ROBO1: variants seen among roughly 807,000 people sequenced by gnomAD.
ROBO1 encodes the protein roundabout guidance receptor 1.
In ROBO1, 149 loss-of-function variants were observed where a neutral mutation model predicts 195.9. The observed-to-expected ratio is 0.76, with a 90% CI of 0.67 to 0.87. ROBO1 has a LOEUF of 0.87. Among genes scored for constraint, ROBO1 ranks in the 40% least tolerant of loss-of-function variants. The pLI, the probability that ROBO1 is intolerant of heterozygous loss-of-function variation, is 0.00. For synonymous variants in ROBO1, 816 were observed against 733.2 expected (o/e 1.11, Z -1.82); for missense variants, 1,933 against 2,068.3 (o/e 0.93, Z 1.27).
chr3:78,871,272 C>T (rs2035527126), intron 4 of ROBO1, among the ~76,000 whole-genome samples: 1 of 152,180 alleles, frequency 6.6e-6, no homozygotes, highest in Non-Finnish European at 1.5e-5. Flanking sequence ...TATGAGCCCA[C>T]ATTTCTCAGA....
chr3:78,788,407 C>T (rs1449948586), intron 4 of ROBO1, among the ~76,000 whole-genome samples: 2 of 141,214 alleles, frequency 1.4e-5, no homozygotes, highest in African/African-American at 2.6e-5. Flanking sequence ...TATGAGCCAC[C>T]GCTCCCAGCC....
At chr3:78,623,919 T>A (rs1341741328) in intron 26 of ROBO1, among the ~76,000 whole-genome samples, 2 of 152,150 alleles carry the variant, frequency 1.3e-5, no homozygotes, top group Non-Finnish European at 2.9e-5. Context: ...TCAGAAGTCA[T>A]CTACTGATGG....
At chr3:79,245,149 T>C (rs2082600747) in intron 2 of ROBO1, among the ~76,000 whole-genome samples, 1 of 152,144 alleles carries the variant, frequency 6.6e-6, no homozygotes, top group Non-Finnish European at 1.5e-5. Context: ...ACATTGCTTC[T>C]AAAAGATCAC....
At chr3:78,979,083 T>C (rs1356736132) in intron 3 of ROBO1, among the ~76,000 whole-genome samples, 1 of 152,178 alleles carries the variant, frequency 6.6e-6, no homozygotes, top group Non-Finnish European at 1.5e-5. Context: ...TTGGTGAATG[T>C]TTCCCCAGAC....
intron 18 of ROBO1, among the ~76,000 whole-genome samples, chr3:78,656,121 G>GC (rs1553693449): frequency 6.8e-6 from 1 of 147,784 alleles, no homozygotes; most frequent in African/African-American, 2.5e-5. Flanking sequence ...TTTGATGTTA[G>GC]TTTTTTTTTT....
intron 1 of ROBO1, among the ~76,000 whole-genome samples, chr3:79,753,241 C>G (rs138897061): frequency 1.3e-5 from 2 of 151,900 alleles, no homozygotes; most frequent in African/African-American, 4.8e-5. Context: ...GTTCACATTC[C>G]CAGCAATTCT....
At chr3:79,109,966 T>C (rs1027919725) in intron 3 of ROBO1, among the ~76,000 whole-genome samples, 1 of 152,152 alleles carries the variant, frequency 6.6e-6, no homozygotes, top group Non-Finnish European at 1.5e-5. Context: ...TTGGCAATTA[T>C]TAATAATACA....
intron 3 of ROBO1, among the ~76,000 whole-genome samples, chr3:79,046,126 A>G (rs1175204848): frequency 6.6e-6 from 1 of 152,130 alleles, no homozygotes; most frequent in Admixed American, 6.6e-5. Context: ...TAGGTTTCAA[A>G]AAGATTGTGG....
chr3:79,171,071 C>G (rs983927454), intron 2 of ROBO1, among the ~76,000 whole-genome samples: 18 of 150,606 alleles, frequency 1.2e-4, no homozygotes, highest in African/African-American at 3.2e-4. Flanking sequence ...TAATGACTTT[C>G]TATAAAATTA....
Position 79,087,975 on chromosome 3 carries a change from C to A in ROBO1, c.172+37481G>T, listed in dbSNP as rs574975622. 2.0e-5 allele frequency among the ~76,000 whole-genome samples: 3 copies of A among 152,072 alleles called. No homozygotes were observed. In the South Asian group the frequency reaches 6.2e-4, roughly 32 times the overall value. On this transcript the variant is annotated intron_variant, in intron 3 of 30. Transcript: ENST00000464233. ...ACATATGATTAAAACTTATTTACTT[C>A]GATTGTTGGTGGGAGTTCAACAATT... is the stretch of plus-strand genomic sequence containing the variant.
chr3:79,242,989 C>T (rs2082549699), intron 2 of ROBO1, among the ~76,000 whole-genome samples: 1 of 134,066 alleles, frequency 7.5e-6, no homozygotes, highest in East Asian at 2.6e-4. Context: ...CCCCTCCCCC[C>T]CACCCCACAA....
intron 4 of ROBO1, among the ~76,000 whole-genome samples, chr3:78,868,328 T>C (rs1411107760): frequency 6.6e-6 from 1 of 151,936 alleles, no homozygotes; most frequent in Non-Finnish European, 1.5e-5. Flanking sequence ...AGTGCAAACC[T>C]TGGAGGTCTT....
At chr3:79,082,393 T>C (rs946020470) in intron 3 of ROBO1, among the ~76,000 whole-genome samples, 4 of 152,058 alleles carry the variant, frequency 2.6e-5, no homozygotes, top group African/African-American at 9.7e-5. Flanking sequence ...AGTAGAAATT[T>C]TAAGAGGGAA....
chr3:79,637,230 C>A lies in ROBO1; in HGVS notation c.-50-47269G>T, dbSNP rs150445722. Among the ~76,000 whole-genome samples the A allele has an allele frequency of 1.3e-5, 2 of 151,770 alleles. 1 individual carries two copies. On this transcript the variant is annotated intron_variant, in intron 1 of 30. Transcript: ENST00000464233. ...TTCCAAAATGTGTGCAGCAACTTTG[C>A]AAATGTATGCACATATTTATCATGT...
rs77107507 is a variant in ROBO1 at position 78,701,523 on chromosome 3, G to T, written c.1046-12751C>A. On this transcript the variant is annotated intron_variant, in intron 8 of 30. Coordinates refer to ENST00000464233, the MANE Select transcript of ROBO1 (RefSeq NM_002941.4). ...CTAGCATAGAGTTATATGATTTAAT[G>T]TTTATTCTCAAGAAACCTAAATCAG... Among the ~76,000 whole-genome samples, 1,257 of 152,166 alleles carry T rather than the reference G, an allele frequency of 8.3e-3. 22 individuals carry two copies. The highest frequency in any genetic ancestry group is 0.025 in the Admixed American group (388 of 15,268).
intron 2 of ROBO1, among the ~76,000 whole-genome samples, chr3:79,541,785 A>T (rs1942077112): frequency 6.7e-6 from 1 of 148,946 alleles, no homozygotes; most frequent in Non-Finnish European, 1.5e-5. Context: ...GTGTGTGTAT[A>T]TGTATATACA....
chr3:79,759,774 A>G (rs1243387567), intron 1 of ROBO1, among the ~76,000 whole-genome samples: 1 of 152,204 alleles, frequency 6.6e-6, no homozygotes, highest in African/African-American at 2.4e-5. Context: ...AACCTGACAG[A>G]CAATAACCAG....
chr3:78,952,129 C>T (rs569810918), intron 3 of ROBO1, among the ~76,000 whole-genome samples: 20 of 151,226 alleles, frequency 1.3e-4, no homozygotes, highest in African/African-American at 4.8e-4. Context: ...TTGATCCAAC[C>T]GTTTTCATAC....
chr3:78,860,060 C>T (rs2106971673), intron 4 of ROBO1, among the ~76,000 whole-genome samples: 1 of 146,098 alleles, frequency 6.8e-6, no homozygotes, highest in Non-Finnish European at 1.5e-5. Context: ...GCCTGGGTGA[C>T]AGAGCGAGAC....
Sources: gnomAD v4.1 joint callset for allele counts (sites outside exome capture counted in the v4.1 genomes callset) on GRCh38, gnomAD v4.1.1 for gene constraint, MANE v1.5 for transcripts, NCBI Gene and HGNC (gene_info 2026-07-23, HGNC 2026-07-21) for gene names.